The following THSD4 variants were observed in gnomAD, a reference collection of about 807,000 sequenced individuals.
The protein encoded by THSD4 is thrombospondin type-1 domain-containing protein 4.
THSD4 carries 69 observed loss-of-function variants against 119.0 expected under a neutral mutation model. That is an observed-to-expected ratio of 0.58 (90% CI 0.48 to 0.71). The LOEUF (loss-of-function observed/expected upper bound fraction) is 0.71. THSD4 is among the 30% of genes least tolerant of loss of function. THSD4 has a pLI of 0.00. For synonymous variants in THSD4, 524 were observed against 540.4 expected, an observed-to-expected ratio of 0.97 and a Z score of 0.42; for missense variants, 1,393 against 1,391.1, an observed-to-expected ratio of 1.00 and a Z score of -0.02.
At chr15:71,766,398 C>T (rs985679131) in intron 16 of THSD4, among the ~76,000 whole-genome samples, 4 of 151,854 alleles carry the variant, frequency 2.6e-5, no homozygotes, top group African/African-American at 9.7e-5. Context: ...CTGTAGTGAG[C>T]CCAGAGTAGG....
At chr15:71,546,324 G>C (rs2140848314) in intron 7 of THSD4, among the ~76,000 whole-genome samples, 1 of 152,092 alleles carries the variant, frequency 6.6e-6, no homozygotes, top group East Asian at 1.9e-4. Context: ...CCCACTCTAG[G>C]CAGAATACAG....
intron 15 of THSD4, among the ~76,000 whole-genome samples, chr15:71,764,059 C>T (rs967865536): frequency 2.6e-5 from 4 of 151,586 alleles, no homozygotes; most frequent in African/African-American, 7.3e-5. Flanking sequence ...AGAGTGAGAT[C>T]CTGCCTCAAA....
chr15:71,539,403 C>CT (rs1567026691), intron 7 of THSD4, among the ~76,000 whole-genome samples: 1 of 152,220 alleles, frequency 6.6e-6, no homozygotes, highest in Non-Finnish European at 1.5e-5. Flanking sequence ...ATATGGACCT[C>CT]TGTGGAGAAA....
chr15:71,715,732 T>G (rs1318815171), intron 8 of THSD4, among the ~76,000 whole-genome samples: 1 of 151,814 alleles, frequency 6.6e-6, no homozygotes, highest in East Asian at 1.9e-4. Flanking sequence ...TCATCGCAAT[T>G]TAGTCGCAGA....
intron 7 of THSD4, among the ~76,000 whole-genome samples, chr15:71,628,883 C>T (rs1344523031): frequency 6.6e-6 from 1 of 152,300 alleles, no homozygotes; most frequent in East Asian, 1.9e-4. Context: ...CAGAATGAGG[C>T]TGGCAGTGAC....
intron 7 of THSD4, among the ~76,000 whole-genome samples, chr15:71,552,807 G>T (rs1315537885): frequency 6.6e-6 from 1 of 152,076 alleles, no homozygotes; most frequent in Non-Finnish European, 1.5e-5. Flanking sequence ...CCACCATGCT[G>T]GCTAATTTTT....
At chr15:71,592,475 A>G (rs981168312) in intron 7 of THSD4, among the ~76,000 whole-genome samples, 7 of 152,152 alleles carry the variant, frequency 4.6e-5, no homozygotes, top group African/African-American at 1.4e-4. Flanking sequence ...ACAAGTTGGA[A>G]TTCAGAACAC....
At chr15:71,642,627 A>G (rs1047559724) in intron 7 of THSD4, among the ~76,000 whole-genome samples, 23 of 152,242 alleles carry the variant, frequency 1.5e-4, no homozygotes, top group African/African-American at 5.3e-4. Context: ...GCCGTAAAAA[A>G]TGATGAGTTC....
At chr15:71,471,206 C>G (rs1188883720) in intron 7 of THSD4, among the ~76,000 whole-genome samples, 1 of 152,118 alleles carries the variant, frequency 6.6e-6, no homozygotes, top group Non-Finnish European at 1.5e-5. Flanking sequence ...ACTCATGACA[C>G]TCAACCAGCT....
intron 7 of THSD4, among the ~76,000 whole-genome samples, chr15:71,636,752 C>T (rs117632489): frequency 3.5e-3 from 529 of 152,268 alleles, no homozygotes; most frequent in Non-Finnish European, 5.9e-3. Context: ...CCAGCTGGTC[C>T]CCGAGGACCT....
chr15:71,638,610 G>C (rs2050796170), intron 7 of THSD4, among the ~76,000 whole-genome samples: 1 of 152,058 alleles, frequency 6.6e-6, no homozygotes, highest in African/African-American at 2.4e-5. Flanking sequence ...CAGTACTTTT[G>C]AATGAAGACA....
At chr15:71,715,641 A>G (rs1370181292) in intron 8 of THSD4, among the ~76,000 whole-genome samples, 2 of 152,024 alleles carry the variant, frequency 1.3e-5, no homozygotes, top group Admixed American at 6.6e-5. Context: ...GAACTATCCT[A>G]TGTTGGTTCA....
intron 17 of THSD4, among the ~76,000 whole-genome samples, chr15:71,771,417 AAG>A (rs2053821592): frequency 6.6e-6 from 1 of 152,202 alleles, no homozygotes; most frequent in African/African-American, 2.4e-5. Flanking sequence ...GCCACCCACC[AAG>A]AGACACACTT....
At chr15:71,669,507 T>C (rs559285788) in intron 8 of THSD4, among the ~76,000 whole-genome samples, 13 of 152,318 alleles carry the variant, frequency 8.5e-5, no homozygotes, top group Non-Finnish European at 5.9e-5. Context: ...TCCTTTTTTT[T>C]TGTGGCTGTT....
At chr15:71,314,621 T>G (rs1206875933) in intron 6 of THSD4, among the ~76,000 whole-genome samples, 1 of 152,234 alleles carries the variant, frequency 6.6e-6, no homozygotes, top group Non-Finnish European at 1.5e-5. Flanking sequence ...ATTTTTATTC[T>G]TTTAAAAGAG....
intron 1 of THSD4, among the ~76,000 whole-genome samples, chr15:71,123,043 G>C (rs1055750991): frequency 1.3e-5 from 2 of 152,320 alleles, no homozygotes; most frequent in South Asian, 2.1e-4. Context: ...ACTAGTTACT[G>C]TTCTTTCCTG....
At chr15:71,539,935 G>T (rs897026785) in intron 7 of THSD4, among the ~76,000 whole-genome samples, 1 of 152,056 alleles carries the variant, frequency 6.6e-6, no homozygotes, top group Non-Finnish European at 1.5e-5. Context: ...AACACATCAT[G>T]ATAAATATTA....
chr15:71,300,103 A>G (rs2140336395), intron 6 of THSD4, among the ~76,000 whole-genome samples: 1 of 151,142 alleles, frequency 6.6e-6, no homozygotes, highest in South Asian at 2.1e-4. Context: ...GTAAGCTATG[A>G]CTGCGCCACT....
At chr15:71,579,612 C>G (rs533535125) in intron 7 of THSD4, among the ~76,000 whole-genome samples, 7 of 152,320 alleles carry the variant, frequency 4.6e-5, no homozygotes, top group African/African-American at 1.7e-4. Flanking sequence ...AAGGGTGATT[C>G]TACTCCACTC....
Sources: allele counts gnomAD v4.1 joint callset (sites outside exome capture counted in the v4.1 genomes callset), GRCh38; gene constraint gnomAD v4.1.1; transcripts MANE v1.5; gene names NCBI Gene and HGNC (gene_info 2026-07-23, HGNC 2026-07-21).